LRBA: variants seen among roughly 807,000 people sequenced by gnomAD.
LRBA encodes LPS responsive beige-like anchor protein.
In LRBA, 176 loss-of-function variants were observed where a neutral mutation model predicts 330.0. The observed-to-expected ratio is 0.53, with a 90% CI of 0.47 to 0.60. LRBA has a LOEUF of 0.60. Ranked by LOEUF, LRBA falls within the 20% of genes least tolerant of loss-of-function variation. The pLI, the probability that LRBA is intolerant of heterozygous loss-of-function variation, is 0.00. For missense variants in LRBA, 3,259 were observed against 3,444.8 expected (o/e 0.95, Z 1.35); for synonymous variants, 1,230 against 1,193.0 (o/e 1.03, Z -0.64).
At chr4:150,443,765 G>C (rs1283793521) in intron 44 of LRBA, among the ~76,000 whole-genome samples, 1 of 150,246 alleles carries the variant, frequency 6.7e-6, no homozygotes, top group Non-Finnish European at 1.5e-5. Flanking sequence ...GTTAATGGGT[G>C]CAGCACACCA....
chr4:150,671,757 G>A (rs564480862), intron 37 of LRBA, among the ~76,000 whole-genome samples: 1 of 152,268 alleles, frequency 6.6e-6, no homozygotes, highest in East Asian at 1.9e-4. Context: ...TAAGTTCATA[G>A]AAGGCTTGAG....
chr4:150,540,243 G>A (rs936532489), intron 40 of LRBA, among the ~76,000 whole-genome samples: 8 of 152,268 alleles, frequency 5.3e-5, no homozygotes, highest in Admixed American at 3.9e-4. Context: ...GTTGGGAGAC[G>A]GAGTCTCACT....
chr4:150,490,813 G>A, intron 41 of LRBA, 105 bp downstream of exon 41: 1 of 553,342 alleles, frequency 1.8e-6, no homozygotes, highest in Non-Finnish European at 3.1e-6. Flanking sequence ...ACAGAAGGTG[G>A]GCTACAAATA....
chr4:150,666,423 A>G (rs2126846988), intron 37 of LRBA, among the ~76,000 whole-genome samples: 1 of 151,988 alleles, frequency 6.6e-6, no homozygotes, highest in South Asian at 2.1e-4. Flanking sequence ...GAAGCAGGAG[A>G]TTTGCTTGAA....
At chr4:150,266,241 G>A (rs1745311871) in intron 56 of LRBA, among the ~76,000 whole-genome samples, 1 of 152,204 alleles carries the variant, frequency 6.6e-6, no homozygotes, top group South Asian at 2.1e-4. Flanking sequence ...ACACTCAAGT[G>A]ACAAGAGACA....
Position 150,467,728 on chromosome 4 carries a change from T to C in LRBA, c.6725A>G (p.Tyr2242Cys). The C allele has an allele frequency of 1.9e-6, 3 of 1,610,234 alleles. No individual in the cohort carries two copies. The highest frequency in any genetic ancestry group is 1.7e-5 in the Admixed American group (1 of 59,838). The change falls in exon 44 of 57, where the codon TAT becomes TGT. Residue 2242 changes from tyrosine to cysteine, a missense_variant. By Grantham distance (194) the Tyr-to-Cys change is radical. Transcript: ENST00000651943. Reference protein sequence around the residue: ...YPVFPWVITNYESEELDLTLP... With the variant: ...YPVFPWVITNCESEELDLTLP... ...GGTAAGATCCAGTTCTTCTGATTCA[T>C]AATTAGTGATGACCCAAGGAAACAC...
chr4:150,495,270 A>G (rs1759456017), intron 40 of LRBA, among the ~76,000 whole-genome samples: 1 of 152,158 alleles, frequency 6.6e-6, no homozygotes, highest in South Asian at 2.1e-4. Context: ...ATAACATACC[A>G]CATCACTTTG....
intron 37 of LRBA, among the ~76,000 whole-genome samples, chr4:150,620,140 T>C (rs946584881): frequency 2.0e-5 from 3 of 152,088 alleles, no homozygotes; most frequent in East Asian, 3.8e-4. Flanking sequence ...GTAACTACAA[T>C]AGTGTATTTT....
chr4:150,415,783 A>AGG (rs1747650085), intron 46 of LRBA, among the ~76,000 whole-genome samples, 193 bp from the exon 47 acceptor site: 1 of 152,192 alleles, frequency 6.6e-6, no homozygotes, highest in Non-Finnish European at 1.5e-5. Context: ...CAACTTAAAT[A>AGG]AGATCTTACT....
At chr4:151,007,185 T>C (rs1201726948) in intron 2 of LRBA, among the ~76,000 whole-genome samples, 3 of 152,172 alleles carry the variant, frequency 2.0e-5, no homozygotes, top group African/African-American at 7.2e-5. Flanking sequence ...GGTAATTCAA[T>C]GGGAAAAGAA....
intron 9 of LRBA, among the ~76,000 whole-genome samples, chr4:150,909,703 G>C (rs1731759672): frequency 6.6e-6 from 1 of 152,102 alleles, no homozygotes; most frequent in Non-Finnish European, 1.5e-5. Flanking sequence ...GGATCACATG[G>C]AAGTTCTATT....
intron 37 of LRBA, among the ~76,000 whole-genome samples, chr4:150,673,357 T>C (rs1010388009): frequency 2.0e-5 from 3 of 152,218 alleles, no homozygotes; most frequent in Admixed American, 6.5e-5. Context: ...AGATAAGTCA[T>C]TGTATATCCA....
intron 37 of LRBA, among the ~76,000 whole-genome samples, chr4:150,656,749 T>C (rs1780226556): frequency 6.6e-6 from 1 of 152,234 alleles, no homozygotes; most frequent in Admixed American, 6.5e-5. Flanking sequence ...GCAGGAAATT[T>C]TGTCTGTTTT....
intron 2 of LRBA, among the ~76,000 whole-genome samples, chr4:150,930,079 C>G (rs1734313618): frequency 6.6e-6 from 1 of 151,926 alleles, no homozygotes; most frequent in Non-Finnish European, 1.5e-5. Context: ...CTTTGGGAGA[C>G]CGAGGCAGGC....
At chr4:150,652,693 T>C (rs1303427555) in intron 37 of LRBA, among the ~76,000 whole-genome samples, 1 of 152,182 alleles carries the variant, frequency 6.6e-6, no homozygotes, top group East Asian at 1.9e-4. Context: ...CTTTCATCAT[T>C]TGAATATTAA....
At chr4:150,783,662 ACACT>A (rs1039307409) in intron 34 of LRBA, among the ~76,000 whole-genome samples, 1 of 152,224 alleles carries the variant, frequency 6.6e-6, no homozygotes, top group Non-Finnish European at 1.5e-5. Flanking sequence ...AAACAGTTTC[ACACT>A]CACTATCTAT....
intron 47 of LRBA, among the ~76,000 whole-genome samples, chr4:150,415,199 A>T (rs746955474): frequency 2.0e-5 from 3 of 152,246 alleles, no homozygotes; most frequent in Non-Finnish European, 2.9e-5. Flanking sequence ...ATTTTGAATC[A>T]TCATGTATAT....
chr4:150,357,081 G>A (rs1737941774), intron 47 of LRBA, among the ~76,000 whole-genome samples: 1 of 151,956 alleles, frequency 6.6e-6, no homozygotes, highest in South Asian at 2.1e-4. Context: ...AGCCTGAAAA[G>A]CAGATAGAGA....
rs199714717 is a variant in LRBA at position 150,378,548 on chromosome 4, A to G, written c.7195-28389T>C. 3.3e-5 allele frequency among the ~76,000 whole-genome samples: 5 copies of G among 152,246 alleles called. No individual in the cohort carries two copies. In the East Asian group the frequency reaches 7.7e-4, roughly 23 times the overall value. On this transcript the variant is annotated intron_variant, in intron 47 of 56. Transcript: ENST00000651943. The stretch of plus-strand genomic sequence containing the variant: ...TTCTTAAAAGGAAGTCCAGATACTA[A>G]AAACAACTTCAGGATGTAAAATGCT...
Sources: allele counts gnomAD v4.1 joint callset (sites outside exome capture counted in the v4.1 genomes callset), GRCh38; gene constraint gnomAD v4.1.1; transcripts MANE v1.5; gene names NCBI Gene and HGNC (gene_info 2026-07-23, HGNC 2026-07-21).